The following SLC35F4 variants were observed in gnomAD, a reference collection of about 807,000 sequenced individuals.
SLC35F4 encodes chromosome 14 open reading frame 36.
Under a neutral mutation model 44.2 loss-of-function variants are expected in SLC35F4, and 24 were observed. The observed-to-expected ratio is 0.54, with a 90% CI of 0.39 to 0.76. SLC35F4 has a LOEUF of 0.76. SLC35F4 is among the 30% of genes least tolerant of loss of function. The pLI is 0.00. For missense variants in SLC35F4, 562 were observed against 586.1 expected, an observed-to-expected ratio of 0.96 and a Z score of 0.42; for synonymous variants, 238 against 223.6, an observed-to-expected ratio of 1.06 and a Z score of -0.57.
intron 1 of SLC35F4, among the ~76,000 whole-genome samples, chr14:57,806,419 A>G (rs1243325718): frequency 6.6e-6 from 1 of 152,170 alleles, no homozygotes; most frequent in East Asian, 1.9e-4. Context: ...AGCACATGAA[A>G]ATATTGTGTC....
rs530160059 is a variant in SLC35F4, at chr14:57,585,133, T to C, written c.588-3700A>G. Among the ~76,000 whole-genome samples the C allele has an allele frequency of 3.9e-5, 6 of 152,260 alleles. No homozygotes were observed. The East Asian group carries it at 9.7e-4, about 25-fold the overall frequency. On this transcript the variant is annotated intron_variant, in intron 3 of 7. Coordinates refer to ENST00000556826, the MANE Select transcript of SLC35F4 (RefSeq NM_001306087.2). ...ATAGCTGAGTTTTCATAGACACATA[T>C]AGAAAATCAACTCACGGTGAGAATT... is the stretch of plus-strand genomic sequence containing the variant.
At chr14:57,918,061 G>A (rs1341391744) in intron 1 of SLC35F4, among the ~76,000 whole-genome samples, 2 of 152,150 alleles carry the variant, frequency 1.3e-5, no homozygotes, top group Non-Finnish European at 2.9e-5. Context: ...TTGAGGATCT[G>A]GTATAATAGT....
intron 1 of SLC35F4, among the ~76,000 whole-genome samples, chr14:57,960,924 C>T (rs889222330): frequency 3.3e-5 from 5 of 152,062 alleles, no homozygotes; most frequent in African/African-American, 1.2e-4. Flanking sequence ...GACCTGGGGC[C>T]CCTGGGGAAA....
chr14:57,642,474 A>G (rs1049274957), intron 1 of SLC35F4, among the ~76,000 whole-genome samples: 2 of 151,692 alleles, frequency 1.3e-5, no homozygotes, highest in Non-Finnish European at 2.9e-5. Context: ...TTTTTTTCCA[A>G]TTTACTTTTA....
At chr14:57,694,377 C>A (rs988880289) in intron 1 of SLC35F4, among the ~76,000 whole-genome samples, 2 of 152,142 alleles carry the variant, frequency 1.3e-5, no homozygotes, top group African/African-American at 4.8e-5. Context: ...TTTACATAAA[C>A]AGGATCAGAT....
intron 1 of SLC35F4, among the ~76,000 whole-genome samples, chr14:57,893,655 G>A (rs1370262795): frequency 6.6e-6 from 1 of 152,152 alleles, no homozygotes; most frequent in South Asian, 2.1e-4. Flanking sequence ...TGTAACTCAT[G>A]TCCTGGACCA....
At chr14:57,828,297 A>C (rs1054881622) in intron 1 of SLC35F4, among the ~76,000 whole-genome samples, 2 of 152,188 alleles carry the variant, frequency 1.3e-5, no homozygotes, top group Non-Finnish European at 2.9e-5. Context: ...CCACATGATG[A>C]AAATGTTCTC....
intron 1 of SLC35F4, among the ~76,000 whole-genome samples, chr14:57,664,977 G>A (rs2074258928): frequency 2.0e-5 from 3 of 152,134 alleles, no homozygotes; most frequent in Non-Finnish European, 4.4e-5. Context: ...AGGTGGGCAG[G>A]AGCCATGTGC....
At chr14:57,865,609 T>C (rs2141021538) in intron 1 of SLC35F4, 114 bp downstream of exon 1, 2 of 790,186 alleles carry the variant, frequency 2.5e-6, no homozygotes, top group South Asian at 4.0e-5. Flanking sequence ...GTTGACAGCG[T>C]CCGCAGGGCT....
chr14:57,587,883 A>AAAG (rs1208570597), intron 3 of SLC35F4, among the ~76,000 whole-genome samples: 2 of 151,820 alleles, frequency 1.3e-5, no homozygotes, highest in Non-Finnish European at 2.9e-5. Flanking sequence ...AAAAAAAAAA[A>AAAG]AAAAAGAAAA....
At chr14:57,643,665 G>A (rs1309730378) in intron 1 of SLC35F4, among the ~76,000 whole-genome samples, 1 of 151,942 alleles carries the variant, frequency 6.6e-6, no homozygotes, top group Admixed American at 6.6e-5. Context: ...TGTGCACAAC[G>A]TGCAGGTTTG....
intron 1 of SLC35F4, among the ~76,000 whole-genome samples, chr14:57,917,410 A>G (rs1187920650): frequency 6.6e-6 from 1 of 152,066 alleles, no homozygotes; most frequent in Non-Finnish European, 1.5e-5. Context: ...TACCTTTTCA[A>G]TAAACCTTTT....
In SLC35F4 at chr14:57,885,522, C is replaced by T. The variant is rs1285572997; in HGVS notation, n.282+96391G>A. ...ATATGTTTTCTCCAGCCTTAGGATC[C>T]TTTCACATACTTTCCCTCTTCCCTA... is the stretch of plus-strand genomic sequence containing the variant. On this transcript the variant is annotated intron_variant and non_coding_transcript_variant, in intron 1 of 1. Transcript: ENST00000556568. Among the ~76,000 whole-genome samples, 7 of 151,982 alleles carry T rather than the reference C, an allele frequency of 4.6e-5. No homozygotes were observed. The East Asian group carries it at 1.2e-3, about 25-fold the overall frequency.
intron 1 of SLC35F4, among the ~76,000 whole-genome samples, chr14:57,680,911 G>A (rs1169620770): frequency 6.6e-6 from 1 of 152,050 alleles, no homozygotes; most frequent in Non-Finnish European, 1.5e-5. Context: ...TCACAGATAG[G>A]AAGAATAAAT....
chr14:57,935,565 G>A (rs28695872), intron 1 of SLC35F4, among the ~76,000 whole-genome samples: 5,550 of 152,164 alleles, frequency 0.036, 352 homozygotes, highest in African/African-American at 0.13. Flanking sequence ...TATAAAAATG[G>A]CCCCTTCTAA....
intron 1 of SLC35F4, among the ~76,000 whole-genome samples, chr14:57,967,552 T>C (rs1880910320): frequency 6.9e-6 from 1 of 145,240 alleles, no homozygotes; most frequent in African/African-American, 2.9e-5. Context: ...GTAGTAACTG[T>C]GTGCCAAATT....
At chr14:57,726,489 C>G (rs1276753133) in intron 1 of SLC35F4, among the ~76,000 whole-genome samples, 1 of 152,162 alleles carries the variant, frequency 6.6e-6, no homozygotes, top group Non-Finnish European at 1.5e-5. Context: ...TACACTTGTA[C>G]TAATATATTT....
intron 1 of SLC35F4, among the ~76,000 whole-genome samples, chr14:57,876,105 C>A (rs1888395451): frequency 6.6e-6 from 1 of 152,130 alleles, no homozygotes; most frequent in Non-Finnish European, 1.5e-5. Context: ...AATTCCAAAC[C>A]TTTTGACTTC....
intron 1 of SLC35F4, among the ~76,000 whole-genome samples, chr14:57,666,568 A>G (rs1013510032): frequency 5.3e-5 from 8 of 152,188 alleles, no homozygotes; most frequent in African/African-American, 1.9e-4. Flanking sequence ...CAGTTAAGCT[A>G]TACCACAACT....
Sources: allele counts gnomAD v4.1 joint callset (sites outside exome capture counted in the v4.1 genomes callset), GRCh38; gene constraint gnomAD v4.1.1; transcripts MANE v1.5; gene names NCBI Gene and HGNC (gene_info 2026-07-23, HGNC 2026-07-21).